DOK6: variants seen among roughly 807,000 people sequenced by gnomAD.
The protein encoded by DOK6 is docking protein 6.
In DOK6, 22 loss-of-function variants were observed where a neutral mutation model predicts 44.0. That is an observed-to-expected ratio of 0.50 (90% CI 0.36 to 0.71). The LOEUF (loss-of-function observed/expected upper bound fraction) is 0.71, where lower values mean the gene tolerates loss of function less well. Among genes scored for constraint, DOK6 ranks in the 30% least tolerant of loss-of-function variants. The pLI, the probability that DOK6 is intolerant of heterozygous loss-of-function variation, is 0.00. For synonymous variants in DOK6, 166 were observed against 145.5 expected (o/e 1.14, Z -1.01); for missense variants, 340 against 416.4 (o/e 0.82, Z 1.60).
At chr18:69,573,281 G>T (rs561739639) in intron 2 of DOK6, among the ~76,000 whole-genome samples, 17 of 151,932 alleles carry the variant, frequency 1.1e-4, no homozygotes, top group African/African-American at 4.1e-4. Flanking sequence ...CGGCAAAACA[G>T]CATGAAGAGC....
At chr18:69,599,816 T>G (rs1158295517) in intron 3 of DOK6, among the ~76,000 whole-genome samples, 2 of 152,196 alleles carry the variant, frequency 1.3e-5, no homozygotes, top group Non-Finnish European at 2.9e-5. Context: ...TTGCTCATTG[T>G]GTCTCTAGGC....
chr18:69,422,827 G>A (rs1367515380), intron 1 of DOK6, among the ~76,000 whole-genome samples: 1 of 152,038 alleles, frequency 6.6e-6, no homozygotes. Flanking sequence ...TCATTACCTA[G>A]ACTAATAATT....
chr18:69,689,954 T>C (rs865843001), intron 4 of DOK6, among the ~76,000 whole-genome samples: 6 of 152,138 alleles, frequency 3.9e-5, no homozygotes, highest in Admixed American at 3.3e-4. Context: ...AAGTGGAATA[T>C]ATAGGTTAAA....
chr18:69,585,772 A>G (rs1231593318), intron 2 of DOK6, among the ~76,000 whole-genome samples: 3 of 152,204 alleles, frequency 2.0e-5, no homozygotes, highest in Non-Finnish European at 4.4e-5. Flanking sequence ...CATGATTTGA[A>G]CTTGAATAAC....
intron 7 of DOK6, among the ~76,000 whole-genome samples, chr18:69,818,082 C>G (rs1981453609): frequency 6.6e-6 from 1 of 152,158 alleles, no homozygotes; most frequent in African/African-American, 2.4e-5. Context: ...AAGGAAGGAT[C>G]CCCTTCAAGT....
At chr18:69,627,255 G>C (rs1039203109) in intron 3 of DOK6, among the ~76,000 whole-genome samples, 1 of 152,140 alleles carries the variant, frequency 6.6e-6, no homozygotes, top group South Asian at 2.1e-4. Context: ...CCTTCTTCAG[G>C]TGCAGAGAGT....
chr18:69,524,095 C>T (rs1310485808), intron 1 of DOK6, among the ~76,000 whole-genome samples: 2 of 151,874 alleles, frequency 1.3e-5, no homozygotes, highest in Admixed American at 1.3e-4. Flanking sequence ...AGCCTGTGTG[C>T]TTTATTCAAT....
At chr18:69,603,637 G>A (rs886360189) in intron 3 of DOK6, among the ~76,000 whole-genome samples, 7 of 152,130 alleles carry the variant, frequency 4.6e-5, no homozygotes, top group Non-Finnish European at 7.4e-5. Flanking sequence ...CGGGTGTGGT[G>A]GCGGGCGCCT....
intron 3 of DOK6, among the ~76,000 whole-genome samples, chr18:69,639,332 A>G (rs1216062116): frequency 6.6e-6 from 1 of 152,174 alleles, no homozygotes; most frequent in East Asian, 1.9e-4. Flanking sequence ...GCACTGAAGG[A>G]CCTTCTGCAG....
intron 7 of DOK6, among the ~76,000 whole-genome samples, chr18:69,804,881 CTGACTT>C (rs1981008889): frequency 1.3e-5 from 2 of 152,160 alleles, no homozygotes; most frequent in Non-Finnish European, 2.9e-5. Flanking sequence ...CAAATTTTCT[CTGACTT>C]TGACTTTGGT....
intron 1 of DOK6, among the ~76,000 whole-genome samples, chr18:69,416,393 A>G (rs1782181213): frequency 6.6e-6 from 1 of 152,174 alleles, no homozygotes; most frequent in South Asian, 2.1e-4. Flanking sequence ...CTGTATAAAT[A>G]TATGAATACA....
intron 4 of DOK6, 24 bp from the exon 5 acceptor site, chr18:69,698,377 CCTT>C (rs995317545): frequency 1.3e-6 from 2 of 1,580,334 alleles, no homozygotes; most frequent in Non-Finnish European, 1.7e-6. Context: ...TTTCACTTAA[CCTT>C]CTCCATTCTT....
chr18:69,824,349 A>C (rs1981678858), intron 7 of DOK6, among the ~76,000 whole-genome samples: 1 of 151,860 alleles, frequency 6.6e-6, no homozygotes, highest in Non-Finnish European at 1.5e-5. Context: ...TTTACAAAAA[A>C]AAAAAATTTT....
At chr18:69,622,993 A>T (rs1984477933) in intron 3 of DOK6, among the ~76,000 whole-genome samples, 1 of 152,190 alleles carries the variant, frequency 6.6e-6, no homozygotes, top group Non-Finnish European at 1.5e-5. Context: ...GTCCCCACCC[A>T]AATCTCATGT....
chr18:69,636,022 G>A (rs971723712), intron 3 of DOK6, among the ~76,000 whole-genome samples: 6 of 152,126 alleles, frequency 3.9e-5, no homozygotes, highest in South Asian at 4.1e-4. Context: ...TGATGTCTGC[G>A]GTATGGAAGA....
intron 7 of DOK6, among the ~76,000 whole-genome samples, chr18:69,817,223 T>A (rs184517696): frequency 1.3e-5 from 2 of 152,206 alleles, no homozygotes; most frequent in African/African-American, 4.8e-5. Flanking sequence ...GAACTGACTC[T>A]TCATTTGTGA....
chr18:69,493,471 A>C (rs918920085), intron 1 of DOK6, among the ~76,000 whole-genome samples: 5 of 152,206 alleles, frequency 3.3e-5, no homozygotes, highest in African/African-American at 1.2e-4. Flanking sequence ...CAGATCTGCT[A>C]AATCACAAAC....
Position 69,757,766 on chromosome 18 carries a change from G to A in DOK6, c.749G>A (p.Ser250Asn), listed in dbSNP as rs1473558082. 3 of 1,613,904 alleles carry A rather than the reference G, an allele frequency of 1.9e-6. No individual in the cohort carries two copies. The highest frequency in any genetic ancestry group is 2.5e-6 in the Non-Finnish European group (3 of 1,179,944). Residue 250 changes from serine to asparagine, a missense_variant, in exon 7 of 8, where the codon AGC becomes AAC. By Grantham distance (46) the Ser-to-Asn change is conservative. This residue lies in a region of DOK6 where 112 missense variants were observed against 109.3 expected (regional missense o/e 1.02). Coordinates refer to ENST00000382713, the MANE Select transcript of DOK6 (RefSeq NM_152721.6). ...TCTTTTCTCTTTTAGCTTCAGACAA[G>A]CTTGACTGAACCAATGACATTATCC... Reference protein sequence around the residue: ...EMEQKARLQTSLTEPMTLSKS... With the variant: ...EMEQKARLQTNLTEPMTLSKS...
chr18:69,727,325 A>C (rs1318752083), intron 5 of DOK6, among the ~76,000 whole-genome samples: 1 of 152,190 alleles, frequency 6.6e-6, no homozygotes, highest in African/African-American at 2.4e-5. Flanking sequence ...CTGTTTTGTG[A>C]AGTGGCTGAA....
Sources: allele counts gnomAD v4.1 joint callset (sites outside exome capture counted in the v4.1 genomes callset), GRCh38; gene constraint gnomAD v4.1.1; regional missense constraint gnomAD v4.1.1; transcripts MANE v1.5; gene names NCBI Gene and HGNC (gene_info 2026-07-23, HGNC 2026-07-21).